Variants in C8orf34 observed in about 807,000 individuals in gnomAD.
The protein encoded by C8orf34 is chromosome 8 open reading frame 34.
A neutral mutation model predicts 68.3 loss-of-function variants in C8orf34; 65 were observed. The ratio of observed to expected loss-of-function variants is 0.95; its 90% CI spans 0.78 to 1.17. The LOEUF (loss-of-function observed/expected upper bound fraction) is 1.17. C8orf34 is among the 50% of genes most tolerant of loss of function. The pLI, the probability that C8orf34 is intolerant of heterozygous loss-of-function variation, is 0.00. For synonymous variants in C8orf34, 244 were observed against 241.2 expected (o/e 1.01, Z -0.11); for missense variants, 664 against 655.4 (o/e 1.01, Z -0.14).
chr8:68,767,456 AG>A, intron 10 of C8orf34, among the ~76,000 whole-genome samples: 1 of 152,226 alleles, frequency 6.6e-6, no homozygotes, highest in African/African-American at 2.4e-5. Context: ...ATTTGCTTTC[AG>A]TTTATCTGTT....
intron 11 of C8orf34, among the ~76,000 whole-genome samples, chr8:68,777,504 C>T (rs187348061): frequency 7.9e-5 from 12 of 152,322 alleles, no homozygotes; most frequent in Non-Finnish European, 1.3e-4. Flanking sequence ...TGCCTTTTCA[C>T]TTAAAGTACT....
Position 68,428,256 on chromosome 8 carries a change from A to T in C8orf34, c.328-11243A>T, listed in dbSNP as rs570359366. On this transcript the variant is annotated intron_variant, in intron 1 of 13. Coordinates refer to ENST00000518698, the MANE Select transcript of C8orf34 (RefSeq NM_052958.4). ...TGCTGCTGAAAATGATCCCAGATGG[A>T]TGGTTGGAGATCAAGGAAAAAATAA... Among the ~76,000 whole-genome samples, 28 of 152,142 alleles carry T rather than the reference A, an allele frequency of 1.8e-4. No homozygotes were observed. In the East Asian group the frequency reaches 3.3e-3, roughly 18 times the overall value.
At chr8:68,428,746 A>G (rs1455699910) in intron 1 of C8orf34, among the ~76,000 whole-genome samples, 2 of 152,146 alleles carry the variant, frequency 1.3e-5, no homozygotes, top group Non-Finnish European at 2.9e-5. Flanking sequence ...ATGGCATAAG[A>G]CTGACAAATA....
chr8:68,780,159 A>T lies in C8orf34; in HGVS notation c.1455+3710A>T, dbSNP rs188990742. ...TCGCATTCTAATGGACACAATTTAC[A>T]CTTATATGGACAAGAGGCATTTGCA... On this transcript the variant is annotated intron_variant, in intron 11 of 13. Transcript: ENST00000518698. Among the ~76,000 whole-genome samples, 4 of 152,324 alleles carry T rather than the reference A, an allele frequency of 2.6e-5. No individual in the cohort carries two copies. The East Asian group carries it at 7.7e-4, about 29-fold the overall frequency.
At chr8:68,777,986 A>G (rs12675220) in intron 11 of C8orf34, among the ~76,000 whole-genome samples, 73,861 of 151,988 alleles carry the variant, frequency 0.49, 20,483 homozygotes, top group African/African-American at 0.76. Context: ...TTTATTATTG[A>G]CTTATAGTGA....
chr8:68,411,625 C>T lies in C8orf34; in HGVS notation c.328-27874C>T, dbSNP rs150484177. Among the ~76,000 whole-genome samples, 20 of 152,198 alleles carry T rather than the reference C, an allele frequency of 1.3e-4. No homozygotes were observed. The East Asian group carries it at 3.7e-3, about 28-fold the overall frequency. On this transcript the variant is annotated intron_variant, in intron 1 of 13. Transcript: ENST00000518698. ...TCAAACATATATAAATCTTCAAAACCTTATGTAAAGTGTATACAAACAGAG... is the reference window on the plus strand; with the variant it reads ...TCAAACATATATAAATCTTCAAAACTTTATGTAAAGTGTATACAAACAGAG...
chr8:68,494,947 C>T (rs567779160), intron 5 of C8orf34, among the ~76,000 whole-genome samples: 160 of 150,594 alleles, frequency 1.1e-3, no homozygotes, highest in African/African-American at 3.4e-3. Context: ...TATTTGTGTG[C>T]GTGTATATGT....
At chr8:68,353,577 A>G (rs930897198) in intron 1 of C8orf34, among the ~76,000 whole-genome samples, 1 of 148,732 alleles carries the variant, frequency 6.7e-6, no homozygotes, top group Non-Finnish European at 1.5e-5. Flanking sequence ...ATATATATAT[A>G]TACACAGTTG....
chr8:68,467,404 C>T (rs1021340152), intron 3 of C8orf34, among the ~76,000 whole-genome samples: 8 of 151,998 alleles, frequency 5.3e-5, no homozygotes, highest in Non-Finnish European at 2.9e-5. Context: ...TCAATATGAT[C>T]AGAGACAAGT....
chr8:68,534,286 G>T, intron 7 of C8orf34: 2 of 985,368 alleles, frequency 2.0e-6, no homozygotes, highest in Non-Finnish European at 2.4e-6. Context: ...TTCCAATTGG[G>T]TCTTTTCCTC....
At chr8:68,561,635 G>T (rs909052691) in intron 7 of C8orf34, among the ~76,000 whole-genome samples, 1 of 152,106 alleles carries the variant, frequency 6.6e-6, no homozygotes, top group African/African-American at 2.4e-5. Flanking sequence ...GCAGACACCT[G>T]TATTCCCAGC....
At chr8:68,425,729 GAA>G (rs35937675) in intron 1 of C8orf34, among the ~76,000 whole-genome samples, 4 of 139,672 alleles carry the variant, frequency 2.9e-5, no homozygotes, top group Non-Finnish European at 1.5e-5. Flanking sequence ...GTTTTGGAAG[GAA>G]AAAAAAAAAA....
intron 1 of C8orf34, among the ~76,000 whole-genome samples, chr8:68,400,262 T>A (rs192002527): frequency 2.6e-5 from 4 of 152,278 alleles, no homozygotes; most frequent in Admixed American, 2.6e-4. Context: ...GCAAAAGAGT[T>A]TTCCCTAGGC....
At chr8:68,338,217 G>A (rs762470181) in intron 1 of C8orf34, among the ~76,000 whole-genome samples, 1 of 152,086 alleles carries the variant, frequency 6.6e-6, no homozygotes. Context: ...TCTTTTAAAA[G>A]GTCTCTAATC....
chr8:68,652,326 G>A (rs1384522451), intron 8 of C8orf34, among the ~76,000 whole-genome samples: 1 of 152,152 alleles, frequency 6.6e-6, no homozygotes, highest in Non-Finnish European at 1.5e-5. Context: ...ACCTTTATCA[G>A]ATACATGGTT....
chr8:68,410,320 A>G (rs1217642222), intron 1 of C8orf34, among the ~76,000 whole-genome samples: 1 of 152,170 alleles, frequency 6.6e-6, no homozygotes, highest in Non-Finnish European at 1.5e-5. Flanking sequence ...AAGTATTTAG[A>G]AGAAAACCCA....
At chr8:68,806,523 A>G (rs981821889) in intron 12 of C8orf34, among the ~76,000 whole-genome samples, 1 of 152,096 alleles carries the variant, frequency 6.6e-6, no homozygotes, top group East Asian at 1.9e-4. Context: ...TCACCTGTAG[A>G]TTATTACTAC....
intron 10 of C8orf34, among the ~76,000 whole-genome samples, chr8:68,732,797 C>A (rs1480730636): frequency 2.0e-5 from 3 of 152,166 alleles, no homozygotes; most frequent in Non-Finnish European, 4.4e-5. Context: ...TTGTTAGAAG[C>A]TGGGCGTGTA....
At chr8:68,537,114 A>G (rs1360391618) in intron 7 of C8orf34, among the ~76,000 whole-genome samples, 3 of 152,104 alleles carry the variant, frequency 2.0e-5, no homozygotes, top group African/African-American at 7.2e-5. Flanking sequence ...CTTCTTAAAG[A>G]AGAATGTGCC....
Sources: gnomAD v4.1 joint callset for allele counts (sites outside exome capture counted in the v4.1 genomes callset) on GRCh38, gnomAD v4.1.1 for gene constraint, MANE v1.5 for transcripts, NCBI Gene and HGNC (gene_info 2026-07-23, HGNC 2026-07-21) for gene names.